Variants in STAT2 observed in about 807,000 individuals in gnomAD.
STAT2 encodes signal transducer and activator of transcription 2.
In STAT2, 51 loss-of-function variants were observed where a neutral mutation model predicts 122.3. The observed-to-expected ratio is 0.42, with a 90% CI of 0.33 to 0.53. The LOEUF is 0.53. Among genes scored for constraint, STAT2 ranks in the 20% least tolerant of loss-of-function variants. STAT2 has a pLI of 0.10. For synonymous variants in STAT2, 351 were observed against 394.9 expected (o/e 0.89, Z 1.32); for missense variants, 736 against 1,010.3 (o/e 0.73, Z 3.68).
At chr12:56,356,828 T>G (rs1357228908) in intron 1 of STAT2, among the ~76,000 whole-genome samples, 1 of 152,088 alleles carries the variant, frequency 6.6e-6, no homozygotes, top group African/African-American at 2.4e-5. Flanking sequence ...TATCTGCTAT[T>G]CCAAGCATTT....
Position 56,348,808 on chromosome 12 carries a change from T to G in STAT2, c.1577-4A>C. 6.2e-7 allele frequency: 1 copy of G among 1,614,108 alleles called. No homozygotes were observed. On this transcript the variant is annotated splice_polypyrimidine_tract_variant and splice_region_variant and intron_variant, in intron 17 of 23. Transcript: ENST00000314128. ...TCCTCAGTCCTACAGTTCTGCCCTG[T>G]GGGACAGATAGCCACAGACAGATGA... is the stretch of plus-strand genomic sequence containing the variant.
In STAT2 at chr12:56,342,855, G is replaced by A. The variant is rs1312453207; in HGVS notation, c.*534C>T. ...GAGTTTCACATGGTAGGCTAAGGCA[G>A]AAAGCTCTCAACCCCTGCAGGAAAA... is the stretch of plus-strand genomic sequence containing the variant. On this transcript the variant is annotated 3_prime_UTR_variant, in exon 24 of 24. Coordinates refer to ENST00000314128, the MANE Select transcript of STAT2 (RefSeq NM_005419.4). 6.6e-6 allele frequency: 1 copy of A among 152,298 alleles called. No homozygotes were observed. Among genetic ancestry groups the A allele is most frequent in the Middle Eastern group, 3.2e-3 (1 of 316 alleles). The allele number at this position is 152,298 out of a possible 1,614,324, so 9.4% of individuals were successfully genotyped here.
intron 13 of STAT2, 54 bp downstream of exon 13, chr12:56,350,043 C>T (rs987887756): frequency 2.3e-5 from 34 of 1,475,058 alleles, no homozygotes; most frequent in Admixed American, 1.5e-4. Flanking sequence ...AGTGAGACTC[C>T]GTCTCAAAAA....
intron 22 of STAT2, among the ~76,000 whole-genome samples, chr12:56,345,291 A>T (rs1877207224): frequency 6.7e-6 from 1 of 148,524 alleles, no homozygotes; most frequent in South Asian, 2.1e-4. Flanking sequence ...GGAGTTCAAG[A>T]CCAGCCTGGG....
intron 8 of STAT2, chr12:56,352,562 G>C (rs938685852): frequency 1.3e-5 from 2 of 151,010 alleles, no homozygotes; most frequent in Admixed American, 6.6e-5. Context: ...ACTCCAGCCT[G>C]GGAGACAGAG....
Position 56,351,459 on chromosome 12 carries a change from T to TA in STAT2, c.783-10dup. The TA allele has an allele frequency of 6.2e-7, 1 of 1,610,972 alleles. No individual in the cohort carries two copies. Among genetic ancestry groups the TA allele is most frequent in the Non-Finnish European group, 8.5e-7 (1 of 1,178,914 alleles). On this transcript the variant is annotated splice_polypyrimidine_tract_variant and intron_variant, in intron 8 of 23. Coordinates refer to ENST00000314128, the MANE Select transcript of STAT2 (RefSeq NM_005419.4). The stretch of plus-strand genomic sequence containing the variant: ...TTGCTCCAGCTGTGAACCTGGGTGA[T>TA]AAAATTCAGGAAGAAGGAATCCATG...
chr12:56,355,909 G>T, intron 3 of STAT2, 106 bp from the exon 4 acceptor site: 1 of 1,331,386 alleles, frequency 7.5e-7, no homozygotes, highest in Non-Finnish European at 1.1e-6. Context: ...CTCCTTCGGG[G>T]TTCTTAGCCC....
At chr12:56,346,795 G>A in intron 20 of STAT2, 24 bp downstream of exon 20, 2 of 1,614,020 alleles carry the variant, frequency 1.2e-6, no homozygotes, top group South Asian at 2.2e-5. Flanking sequence ...GAGGCTGTGG[G>A]AATGGCAGGG....
At chr12:56,350,713 G>A (rs916394376) in intron 11 of STAT2, 116 bp downstream of exon 11, 2 of 1,119,234 alleles carry the variant, frequency 1.8e-6, no homozygotes, top group African/African-American at 1.6e-5. Flanking sequence ...TATAATTTCT[G>A]TGAGGTAGGA....
chr12:56,348,094 T>TG (rs1225017307), intron 19 of STAT2, among the ~76,000 whole-genome samples: 1 of 149,494 alleles, frequency 6.7e-6, no homozygotes, highest in Non-Finnish European at 1.5e-5. Context: ...GTTGTTTTTT[T>TG]TTTTTTTTTT....
chr12:56,348,892 G>A (rs1397679877), intron 17 of STAT2, 32 bp downstream of exon 17: 1 of 1,613,400 alleles, frequency 6.2e-7, no homozygotes, highest in Admixed American at 1.7e-5. Flanking sequence ...GACTAAGGCT[G>A]GGGAAAGGCT....
chr12:56,345,524 A>AAAAATATATATATATATATATATATATAT (rs1555169410), intron 22 of STAT2, among the ~76,000 whole-genome samples: 8 of 26,218 alleles, frequency 3.1e-4, no homozygotes, highest in Admixed American at 5.4e-4. Flanking sequence ...AAAAAAAAAA[A>AAAAATATATATATATATATATATATATAT]ATATATATAT....
At position 56,349,605 on chromosome 12, in the gene STAT2, C is replaced by A; in HGVS notation, c.1241G>T (p.Gly414Val). The change falls in exon 14 of 24, where the codon GGA becomes GTA. Residue 414 changes from glycine (G) to valine (V), a missense_variant. Transcript: ENST00000314128. ...AGATCTCACCTTATTGCTGCCCTTTCCTGAACCACCTGAACGTTGCTCCAC... is the reference window on the plus strand; with the variant it reads ...AGATCTCACCTTATTGCTGCCCTTTACTGAACCACCTGAACGTTGCTCCAC... ...TLVEQRSGGS[G>V]KGSNKGPLGV... 1 of 1,614,196 alleles carries A rather than the reference C, an allele frequency of 6.2e-7. No homozygotes were observed. The highest frequency in any genetic ancestry group is 8.5e-7 in the Non-Finnish European group (1 of 1,180,042).
At position 56,343,463 on chromosome 12, in the gene STAT2, T is replaced by G; in HGVS notation, c.2482A>C (p.Thr828Pro). The change falls in exon 24 of 24, where the codon ACC becomes CCC. Residue 828 changes from threonine (T) to proline (P), a missense_variant. Thr to Pro is a conservative substitution (Grantham distance 38). Coordinates refer to ENST00000314128, the MANE Select transcript of STAT2 (RefSeq NM_005419.4). ...NGDPLLAGQN[T>P]VDEVYVSRPS... Reference sequence around the variant, plus strand: ...CGGGAGACGTAAACCTCATCCACGGTGTTCTGGCCAGCCAACAGTGGGTCA... The same window carrying G: ...CGGGAGACGTAAACCTCATCCACGGGGTTCTGGCCAGCCAACAGTGGGTCA... 2 of 1,614,148 alleles carry G rather than the reference T, an allele frequency of 1.2e-6. No homozygotes were observed. The highest frequency in any genetic ancestry group is 1.7e-6 in the Non-Finnish European group (2 of 1,180,016).
chr12:56,346,703 C>T, intron 20 of STAT2, 79 bp from the exon 21 acceptor site: 1 of 1,601,476 alleles, frequency 6.2e-7, no homozygotes, highest in Non-Finnish European at 8.5e-7. Flanking sequence ...CTGCCCAGTC[C>T]CAAACCAGCT....
At chr12:56,356,406 CCT>C in intron 2 of STAT2, 33 bp downstream of exon 2, 1 of 1,611,236 alleles carries the variant, frequency 6.2e-7, no homozygotes, top group East Asian at 2.2e-5. Flanking sequence ...TAAGGAACCA[CCT>C]TTTTCATTCC....
intron 18 of STAT2, 44 bp from the exon 19 acceptor site, chr12:56,348,667 C>G: frequency 6.2e-7 from 1 of 1,614,038 alleles, no homozygotes. Flanking sequence ...GGAGTTGCCT[C>G]TGGTGTAGGG....
In STAT2 at chr12:56,354,837, G is replaced by C. The variant is rs1254058764; in HGVS notation, c.574C>G (p.Gln192Glu). The change falls in exon 7 of 24, where the codon CAG (glutamine) becomes GAG (glutamate). Residue 192 changes from glutamine to glutamate, a missense_variant. Transcript: ENST00000314128. ...TGCAGAATCTTCTGCTCTTTGGTCT[G>C]ATGGGGGTCCAGAGAGGGTGTCTTC... ...KGKTPSLDPH[Q>E]TKEQKILQET... The C allele has an allele frequency of 7.4e-6, 12 of 1,614,044 alleles. No individual in the cohort carries two copies. The African/African-American group carries it at 1.1e-4, about 14-fold the overall frequency.
chr12:56,343,235 CCT>C lies in STAT2; in HGVS notation c.*152_*153del. On this transcript the variant is annotated 3_prime_UTR_variant, in exon 24 of 24. Transcript: ENST00000314128. ...CCTCTGTACCCATGTTATGCTTTCA[CCT>C]CTCACCCCAATGGAGTCACACAGGC... 9.9e-7 allele frequency: 1 copy of C among 1,011,120 alleles called. No homozygotes were observed. The highest frequency in any genetic ancestry group is 1.8e-5 in the South Asian group (1 of 56,608). 62.6% of individuals were successfully genotyped at this position (1,011,120 alleles called of 1,614,324 possible). A position where few individuals can be genotyped will look rare whatever the true frequency, so the allele number is the denominator to read the frequency against.
Sources: allele counts gnomAD v4.1 joint callset (sites outside exome capture counted in the v4.1 genomes callset), GRCh38; gene constraint gnomAD v4.1.1; transcripts MANE v1.5; gene names NCBI Gene and HGNC (gene_info 2026-07-23, HGNC 2026-07-21).